ERC2: variants seen among roughly 807,000 people sequenced by gnomAD.
The protein encoded by ERC2 is ELKS/RAB6-interacting/CAST family member 2.
Under a neutral mutation model 114.8 loss-of-function variants are expected in ERC2, and 42 were observed. That is an observed-to-expected ratio of 0.37 (90% CI 0.29 to 0.47). The LOEUF (loss-of-function observed/expected upper bound fraction) is 0.47. Ranked by LOEUF, ERC2 falls within the 20% of genes least tolerant of loss-of-function variation. ERC2 has a pLI of 0.99. For synonymous variants in ERC2, 454 were observed against 425.5 expected (o/e 1.07, Z -0.82); for missense variants, 939 against 1,150.7 (o/e 0.82, Z 2.66).
intron 7 of ERC2, among the ~76,000 whole-genome samples, chr3:56,040,611 A>ATATATAGATGTATATGTATATATAC (rs11391505): frequency 3.0e-5 from 1 of 33,108 alleles, no homozygotes; most frequent in Non-Finnish European, 4.8e-5. Flanking sequence ...ATGTATATAT[A>ATATATAGATGTATATGTATATATAC]ATATATAGAT....
At chr3:55,711,579 A>C (rs2063780214) in intron 15 of ERC2, among the ~76,000 whole-genome samples, 2 of 152,210 alleles carry the variant, frequency 1.3e-5, no homozygotes, top group Admixed American at 6.5e-5. Flanking sequence ...GATGTGTTCA[A>C]ATAGAGACTC....
chr3:56,361,931 A>C (rs1292562446), intron 2 of ERC2, among the ~76,000 whole-genome samples: 1 of 152,242 alleles, frequency 6.6e-6, no homozygotes, highest in Admixed American at 6.5e-5. Flanking sequence ...TGCTGGCTCC[A>C]AGTCATGACT....
intron 6 of ERC2, among the ~76,000 whole-genome samples, chr3:56,083,268 A>G (rs1422026132): frequency 1.3e-5 from 2 of 152,214 alleles, no homozygotes; most frequent in African/African-American, 4.8e-5. Context: ...GTGAATCTCA[A>G]AAGCACCCCG....
At chr3:55,562,658 C>G (rs111415667) in intron 17 of ERC2, among the ~76,000 whole-genome samples, 10 of 152,146 alleles carry the variant, frequency 6.6e-5, no homozygotes, top group African/African-American at 2.4e-4. Flanking sequence ...CCAAAGAACA[C>G]CAAGCTCAGC....
At chr3:55,783,179 T>G (rs1025551557) in intron 14 of ERC2, among the ~76,000 whole-genome samples, 4 of 152,202 alleles carry the variant, frequency 2.6e-5, no homozygotes, top group African/African-American at 9.6e-5. Context: ...AATTTAGGTT[T>G]TTACAAATGC....
At chr3:56,241,461 A>G (rs941268081) in intron 3 of ERC2, among the ~76,000 whole-genome samples, 2 of 152,144 alleles carry the variant, frequency 1.3e-5, no homozygotes, top group African/African-American at 4.8e-5. Flanking sequence ...GTAAATTTAT[A>G]ACAGCTCTAT....
chr3:56,315,758 G>GAA (rs71294731), intron 2 of ERC2, among the ~76,000 whole-genome samples: 8 of 146,660 alleles, frequency 5.5e-5, no homozygotes, highest in Non-Finnish European at 1.1e-4. Context: ...GTCAGAAAGA[G>GAA]AAAAAAAAAA....
chr3:56,347,591 G>A (rs1433624881), intron 2 of ERC2, among the ~76,000 whole-genome samples: 1 of 151,910 alleles, frequency 6.6e-6, no homozygotes, highest in Non-Finnish European at 1.5e-5. Context: ...TTGCCTTAAA[G>A]ACCCCCAATC....
chr3:55,540,861 C>T (rs535217067), intron 17 of ERC2, among the ~76,000 whole-genome samples: 9 of 152,332 alleles, frequency 5.9e-5, no homozygotes, highest in African/African-American at 2.2e-4. Context: ...TGGGAGGCAC[C>T]TAGGGCAGTC....
chr3:55,828,231 T>C (rs1209681533), intron 14 of ERC2, among the ~76,000 whole-genome samples: 1 of 152,212 alleles, frequency 6.6e-6, no homozygotes, highest in African/African-American at 2.4e-5. Context: ...CCAGCTCTCT[T>C]ACTCATTACA....
chr3:56,004,304 T>C, intron 10 of ERC2, among the ~76,000 whole-genome samples: 1 of 152,062 alleles, frequency 6.6e-6, no homozygotes, highest in East Asian at 1.9e-4. Context: ...GATGGATGAA[T>C]GCGCTTAATT....
intron 3 of ERC2, among the ~76,000 whole-genome samples, chr3:56,181,903 G>T (rs2083307445): frequency 6.6e-6 from 1 of 152,202 alleles, no homozygotes; most frequent in Admixed American, 6.5e-5. Flanking sequence ...CATCAAAAAA[G>T]TGGATCATCC....
At chr3:55,816,246 A>G (rs570044925) in intron 14 of ERC2, among the ~76,000 whole-genome samples, 3 of 152,266 alleles carry the variant, frequency 2.0e-5, no homozygotes, top group African/African-American at 7.2e-5. Context: ...TCCCTACTAC[A>G]TCTCCCTACT....
chr3:55,525,725 C>T (rs1208795120), intron 17 of ERC2, among the ~76,000 whole-genome samples: 1 of 152,138 alleles, frequency 6.6e-6, no homozygotes, highest in African/African-American at 2.4e-5. Context: ...TTTATGGCTA[C>T]ATTAAGGAGA....
At chr3:56,140,440 C>T (rs2080786556) in intron 5 of ERC2, among the ~76,000 whole-genome samples, 2 of 152,014 alleles carry the variant, frequency 1.3e-5, no homozygotes, top group South Asian at 4.2e-4. Flanking sequence ...TTTTTTCCTA[C>T]TTTGCTTTTT....
At position 56,037,142 on chromosome 3, in the gene ERC2, CT is replaced by C. The variant is rs1307403370; in HGVS notation, c.1642-18112del. ...AACTCAAAAACCCAGAGTGCCTATTCTCCTCTAAGTGATTGCAATACATCTC... is the reference window on the plus strand; with the variant it reads ...AACTCAAAAACCCAGAGTGCCTATTCCCTCTAAGTGATTGCAATACATCTC... On this transcript the variant is annotated intron_variant, in intron 7 of 17. Transcript: ENST00000288221. Among the ~76,000 whole-genome samples, 6 of 152,314 alleles carry C rather than the reference CT, an allele frequency of 3.9e-5. No individual in the cohort carries two copies. The East Asian group carries it at 1.2e-3, about 29-fold the overall frequency.
chr3:56,208,730 C>T (rs2048882201), intron 3 of ERC2, among the ~76,000 whole-genome samples: 1 of 152,152 alleles, frequency 6.6e-6, no homozygotes, highest in Non-Finnish European at 1.5e-5. Context: ...TAGACACAGG[C>T]AAAGGCCAGA....
At chr3:55,946,427 C>T (rs2067133897) in intron 13 of ERC2, among the ~76,000 whole-genome samples, 1 of 152,048 alleles carries the variant, frequency 6.6e-6, no homozygotes, top group South Asian at 2.1e-4. Context: ...ATCTGTATTA[C>T]TCATCAGTGT....
chr3:56,102,370 G>T (rs1560175202), intron 6 of ERC2, among the ~76,000 whole-genome samples: 1 of 152,098 alleles, frequency 6.6e-6, no homozygotes, highest in Non-Finnish European at 1.5e-5. Context: ...GAAATGTCAT[G>T]ATTTTTTCAT....
Sources: gnomAD v4.1 joint callset for allele counts (sites outside exome capture counted in the v4.1 genomes callset) on GRCh38, gnomAD v4.1.1 for gene constraint, MANE v1.5 for transcripts, NCBI Gene and HGNC (gene_info 2026-07-23, HGNC 2026-07-21) for gene names.